OTUD4: variants seen among roughly 807,000 people sequenced by gnomAD.
The protein encoded by OTUD4 is OTU domain-containing protein 4.
OTUD4 carries 24 observed loss-of-function variants against 130.4 expected under a neutral mutation model. The ratio of observed to expected loss-of-function variants is 0.18; its 90% CI spans 0.13 to 0.26. The LOEUF (loss-of-function observed/expected upper bound fraction) is 0.26. OTUD4 is among the 10% of genes least tolerant of loss of function. The pLI is 1.00. For missense variants in OTUD4, 1,031 were observed against 1,329.4 expected (o/e 0.78, Z 3.49); for synonymous variants, 420 against 472.5 (o/e 0.89, Z 1.44).
chr4:145,180,084 G>A lies in OTUD4; in HGVS notation c.-111C>T. 2 of 890,330 alleles carry A rather than the reference G, an allele frequency of 2.2e-6. No individual in the cohort carries two copies. The highest frequency in any genetic ancestry group is 2.8e-6 in the Non-Finnish European group (2 of 713,702). 55.2% of individuals were successfully genotyped at this position (890,330 alleles called of 1,614,324 possible). A position where few individuals can be genotyped will look rare whatever the true frequency, so the allele number is the denominator to read the frequency against. The stretch of plus-strand genomic sequence containing the variant: ...CAGGCGGCGGCTCGGGCTGGGGCTC[G>A]GGCTCCGCGAGCGGCGGCAGGCGGC... On this transcript the variant is annotated 5_prime_UTR_variant, in exon 1 of 21. It introduces an in-frame stop codon into an upstream open reading frame of the 5' UTR. Transcript: ENST00000447906.
intron 17 of OTUD4, among the ~76,000 whole-genome samples, chr4:145,142,625 G>A (rs534062350): frequency 9.8e-4 from 150 of 152,320 alleles, no homozygotes; most frequent in African/African-American, 3.4e-3. Flanking sequence ...GGGCTCAAGC[G>A]ATCTGCCCGC....
chr4:145,137,051 A>G lies in OTUD4; in HGVS notation c.*379T>C, dbSNP rs1750307762. On this transcript the variant is annotated 3_prime_UTR_variant, in exon 21 of 21. Transcript: ENST00000447906. ...GTATATTTTCTTGTCACTTTAGTAA[A>G]CACTATAAAGCACACATTTCCAACA... The G allele has an allele frequency of 6.0e-6, 1 of 166,092 alleles. No individual in the cohort carries two copies. The allele number at this position is 166,092 out of a possible 1,614,324, so 10.3% of individuals were successfully genotyped here. A position where few individuals can be genotyped will look rare whatever the true frequency, so the allele number is the denominator to read the frequency against.
At chr4:145,140,037 AT>A (rs1234875778) in intron 19 of OTUD4, 46 bp from the exon 20 acceptor site, 5 of 597,704 alleles carry the variant, frequency 8.4e-6, no homozygotes, top group Admixed American at 6.8e-5. Flanking sequence ...ATCTGCAGAG[AT>A]TTTTTTAAAT....
At chr4:145,152,428 C>G in intron 11 of OTUD4, 113 bp downstream of exon 11, 1 of 647,888 alleles carries the variant, frequency 1.5e-6, no homozygotes, top group Admixed American at 2.9e-5. Flanking sequence ...ACTTTCTATA[C>G]ATGGGCAATT....
chr4:145,156,007 A>C lies in OTUD4; in HGVS notation c.630-11T>G. ...GCAGCAGTCTTACTCCTACAAAGAAAGATAACCATAATTGGGGCAGAAAAA... is the reference window on the plus strand; with the variant it reads ...GCAGCAGTCTTACTCCTACAAAGAACGATAACCATAATTGGGGCAGAAAAA... On this transcript the variant is annotated splice_polypyrimidine_tract_variant and intron_variant, in intron 7 of 20. Coordinates refer to ENST00000447906, the MANE Select transcript of OTUD4 (RefSeq NM_001366057.1). 1 of 1,606,392 alleles carries C rather than the reference A, an allele frequency of 6.2e-7. No homozygotes were observed. Among genetic ancestry groups the C allele is most frequent in the Non-Finnish European group, 8.5e-7 (1 of 1,176,600 alleles).
Position 145,159,480 on chromosome 4 carries a change from G to A in OTUD4, c.629+23C>T, listed in dbSNP as rs756497396. 18 of 1,612,098 alleles carry A rather than the reference G, an allele frequency of 1.1e-5. 1 individual carries two copies. The Middle Eastern group carries it at 5.2e-4, about 47-fold the overall frequency. ...CTTTCCTTGTATGGCACTAAGAAAG[G>A]TATTTTAGGATTTCATTCTTACTTG... On this transcript the variant is annotated intron_variant, in intron 7 of 20. Transcript: ENST00000447906.
intron 20 of OTUD4, 99 bp from the exon 21 acceptor site, chr4:145,138,749 C>G: frequency 9.9e-7 from 1 of 1,010,898 alleles, no homozygotes; most frequent in Non-Finnish European, 1.4e-6. Context: ...ATAAGTTTCT[C>G]ATGCCTACAA....
At position 145,138,060 on chromosome 4, in the gene OTUD4, T is replaced by G; in HGVS notation, c.2715A>C (p.Ser905=). The G allele has an allele frequency of 6.2e-7, 1 of 1,614,202 alleles. No individual in the cohort carries two copies. The highest frequency in any genetic ancestry group is 8.5e-7 in the Non-Finnish European group (1 of 1,180,036). ...ENLDLSKDCG[S]VSTVDEFPEA... ...CTGGAAACTCATCTACTGTTGAAAC[T>G]GAACCACAATCTTTAGACAGATCCA... Residue 905 remains serine (S), a synonymous_variant, in exon 21 of 21, where the codon TCA becomes TCC. Transcript: ENST00000447906.
chr4:145,145,941 T>C (rs956395021), intron 14 of OTUD4, among the ~76,000 whole-genome samples: 1 of 152,166 alleles, frequency 6.6e-6, no homozygotes, highest in African/African-American at 2.4e-5. Flanking sequence ...TGTAATGGAT[T>C]AACTAAATCA....
chr4:145,169,010 T>G (rs753240174), intron 3 of OTUD4, among the ~76,000 whole-genome samples: 115 of 152,352 alleles, frequency 7.5e-4, no homozygotes, highest in Non-Finnish European at 1.4e-3. Context: ...TTTTAGTATT[T>G]CCAATAGGCT....
intron 20 of OTUD4, 98 bp from the exon 21 acceptor site, chr4:145,138,748 T>G (rs1186120073): frequency 9.8e-7 from 1 of 1,020,730 alleles, no homozygotes; most frequent in East Asian, 2.4e-5. Flanking sequence ...AATAAGTTTC[T>G]CATGCCTACA....
intron 1 of OTUD4, chr4:145,178,543 G>C (rs868570471): frequency 6.8e-6 from 1 of 148,060 alleles, no homozygotes; most frequent in Non-Finnish European, 1.5e-5. Context: ...GAGGCAGTGG[G>C]TGGCTGTGAA....
chr4:145,168,413 T>TAAAAAAAAAAAAAAAAAAAAAAA (rs11432018), intron 3 of OTUD4, among the ~76,000 whole-genome samples: 1 of 122,870 alleles, frequency 8.1e-6, no homozygotes. Context: ...AATAAAAAAT[T>TAAAAAAAAAAAAAAAAAAAAAAA]AAAAAAAAAA....
chr4:145,170,593 C>G (rs1752109283), intron 3 of OTUD4, among the ~76,000 whole-genome samples: 1 of 152,180 alleles, frequency 6.6e-6, no homozygotes, highest in East Asian at 1.9e-4. Context: ...GACCTTCTTT[C>G]CTATGATAGG....
rs374609116 is a variant in OTUD4, at chr4:145,138,514, G to C, written c.2261C>G (p.Ala754Gly). 1.9e-6 allele frequency: 3 copies of C among 1,614,150 alleles called. No individual in the cohort carries two copies. Among genetic ancestry groups the C allele is most frequent in the South Asian group, 2.2e-5 (2 of 91,082 alleles). Residue 754 changes from alanine (A) to glycine (G), a missense_variant, in exon 21 of 21, where the codon GCT becomes GGT. By Grantham distance (60) the Ala-to-Gly change is moderately conservative. Coordinates refer to ENST00000447906, the MANE Select transcript of OTUD4 (RefSeq NM_001366057.1). ...GGTACAATCACTTTCATTCTGAGCA[G>C]CAGGAGCCTCTTGGAACCAGGGATT... ...PHNPWFQEAP[A>G]AQNESDCTCT...
At position 145,137,418 on chromosome 4, in the gene OTUD4, C is replaced by T. The variant is rs772387217; in HGVS notation, c.*12G>A. On this transcript the variant is annotated 3_prime_UTR_variant, in exon 21 of 21. Coordinates refer to ENST00000447906, the MANE Select transcript of OTUD4 (RefSeq NM_001366057.1). ...TAAGAGTTTCTGTTAGAAAATACTT[C>T]GGCAACAACCATCAAGTGTGCTGTC... 5.7e-6 allele frequency: 9 copies of T among 1,575,892 alleles called. No individual in the cohort carries two copies. The highest frequency in any genetic ancestry group is 2.7e-5 in the African/African-American group (2 of 73,580).
At chr4:145,158,502 CAAAAA>C (rs536679652) in intron 7 of OTUD4, among the ~76,000 whole-genome samples, 1 of 135,810 alleles carries the variant, frequency 7.4e-6, no homozygotes, top group African/African-American at 2.7e-5. Context: ...CAAAACAAAA[CAAAAA>C]AAAACAAAAA....
chr4:145,138,655 A>G lies in OTUD4; in HGVS notation c.2125-5T>C. 6.3e-7 allele frequency: 1 copy of G among 1,586,778 alleles called. No homozygotes were observed. Among genetic ancestry groups the G allele is most frequent in the Non-Finnish European group, 8.5e-7 (1 of 1,170,770 alleles). On this transcript the variant is annotated splice_polypyrimidine_tract_variant and splice_region_variant and intron_variant, in intron 20 of 20. Coordinates refer to ENST00000447906, the MANE Select transcript of OTUD4 (RefSeq NM_001366057.1). ...CCACATAGGACAACTGTATGCCTGA[A>G]GAGACAAAAAACAGTTAAATAAACA...
At chr4:145,169,697 C>G (rs546615157) in intron 3 of OTUD4, among the ~76,000 whole-genome samples, 11 of 152,230 alleles carry the variant, frequency 7.2e-5, no homozygotes, top group African/African-American at 2.4e-4. Flanking sequence ...ATCTTGAACT[C>G]CTGACCTCAA....
Sources: allele counts gnomAD v4.1 joint callset (sites outside exome capture counted in the v4.1 genomes callset), GRCh38; gene constraint gnomAD v4.1.1; transcripts MANE v1.5; gene names NCBI Gene and HGNC (gene_info 2026-07-23, HGNC 2026-07-21).